The following EIPR1 variants were observed in gnomAD, a reference collection of about 807,000 sequenced individuals.
EIPR1 encodes the protein EARP complex and GARP complex interacting protein 1.
In EIPR1, 25 loss-of-function variants were observed where a neutral mutation model predicts 48.1. The observed-to-expected ratio is 0.52, with a 90% CI of 0.38 to 0.73. The LOEUF (loss-of-function observed/expected upper bound fraction) is 0.73, where lower values mean the gene tolerates loss of function less well. EIPR1 is among the 30% of genes least tolerant of loss of function. EIPR1 has a pLI of 0.00. For synonymous variants in EIPR1, 204 were observed against 201.9 expected (o/e 1.01, Z -0.09); for missense variants, 415 against 506.2 (o/e 0.82, Z 1.73).
intron 1 of EIPR1, among the ~76,000 whole-genome samples, chr2:3,372,209 A>C (rs1558325551): frequency 6.6e-6 from 1 of 150,848 alleles, no homozygotes; most frequent in East Asian, 1.9e-4. Flanking sequence ...AACATACCAG[A>C]ATCTCTGGGA....
chr2:3,194,179 G>A lies in EIPR1; in HGVS notation c.654-13C>T, dbSNP rs962583798. The A allele has an allele frequency of 6.2e-7, 1 of 1,612,566 alleles. No homozygotes were observed. The highest frequency in any genetic ancestry group is 8.5e-7 in the Non-Finnish European group (1 of 1,179,136). ...GCAGTAGATCTGGCTGAGGGAGAAG[G>A]AAGAACAGCAAAGGAAAATAGTAAA... is the stretch of plus-strand genomic sequence containing the variant. On this transcript the variant is annotated splice_polypyrimidine_tract_variant and intron_variant, in intron 6 of 8. Transcript: ENST00000382125.
At chr2:3,190,249 G>A (rs948631312) in intron 8 of EIPR1, among the ~76,000 whole-genome samples, 5 of 152,202 alleles carry the variant, frequency 3.3e-5, no homozygotes, top group Non-Finnish European at 5.9e-5. Flanking sequence ...GCCACTTTCC[G>A]GTGGACACAG....
chr2:3,202,012 C>T (rs1448084481), intron 5 of EIPR1, among the ~76,000 whole-genome samples: 3 of 152,194 alleles, frequency 2.0e-5, no homozygotes, highest in Non-Finnish European at 4.4e-5. Flanking sequence ...TCTCGGCTCA[C>T]TGCAAGCTCC....
intron 2 of EIPR1, among the ~76,000 whole-genome samples, chr2:3,352,812 C>A (rs1287238885): frequency 6.6e-6 from 1 of 152,198 alleles, no homozygotes; most frequent in Admixed American, 6.5e-5. Flanking sequence ...GCCTGGCCAA[C>A]GTGGTGAAAC....
At chr2:3,249,309 A>G (rs951390071) in intron 4 of EIPR1, among the ~76,000 whole-genome samples, 1 of 152,260 alleles carries the variant, frequency 6.6e-6, no homozygotes, top group Non-Finnish European at 1.5e-5. Flanking sequence ...ATGCCTTAGC[A>G]AAGAGCTTGG....
intron 2 of EIPR1, among the ~76,000 whole-genome samples, chr2:3,346,340 C>T (rs545467532): frequency 2.8e-4 from 43 of 152,320 alleles, no homozygotes; most frequent in African/African-American, 9.6e-4. Flanking sequence ...TTCTGGATAG[C>T]GTGACTTCTC....
At chr2:3,304,025 A>C (rs1169587983) in intron 3 of EIPR1, among the ~76,000 whole-genome samples, 1 of 152,222 alleles carries the variant, frequency 6.6e-6, no homozygotes, top group Non-Finnish European at 1.5e-5. Flanking sequence ...TCCTGTTACA[A>C]AATCCCCACT....
rs1165418091 is a variant in EIPR1, at chr2:3,189,965, G to A, written c.990-457C>T. Among the ~76,000 whole-genome samples, 1 of 152,130 alleles carries A rather than the reference G, an allele frequency of 6.6e-6. No homozygotes were observed. Among genetic ancestry groups the A allele is most frequent in the Non-Finnish European group, 1.5e-5 (1 of 68,012 alleles). On this transcript the variant is annotated intron_variant, in intron 8 of 8. Coordinates refer to ENST00000382125, the MANE Select transcript of EIPR1 (RefSeq NM_003310.5). This position sits in a 1 kb window ranked among gnomAD's most constrained non-coding sequence, Gnocchi z 4.6. Reference sequence around the variant, plus strand: ...GAAGCAGCGGGTCCAGCTCCTGGCTGTGTAGGAGTCAGAGGCTGGGGCACA... The same window carrying A: ...GAAGCAGCGGGTCCAGCTCCTGGCTATGTAGGAGTCAGAGGCTGGGGCACA...
chr2:3,226,342 G>A (rs187364964), intron 4 of EIPR1, among the ~76,000 whole-genome samples: 51 of 152,196 alleles, frequency 3.4e-4, no homozygotes, highest in African/African-American at 6.0e-4. Context: ...GTCTCATTGC[G>A]GTTTTGATTT....
At chr2:3,362,789 G>A (rs1670881598) in intron 1 of EIPR1, among the ~76,000 whole-genome samples, 1 of 152,130 alleles carries the variant, frequency 6.6e-6, no homozygotes, top group Non-Finnish European at 1.5e-5. Flanking sequence ...GCAGGTGCTG[G>A]AGGCAGGCTG....
At chr2:3,324,259 G>A (rs1041747900) in intron 3 of EIPR1, among the ~76,000 whole-genome samples, 4 of 152,130 alleles carry the variant, frequency 2.6e-5, no homozygotes, top group East Asian at 1.9e-4. Context: ...GGACCCACCC[G>A]AGACAGCTCA....
At chr2:3,229,236 A>T (rs1666162996) in intron 4 of EIPR1, among the ~76,000 whole-genome samples, 3 of 152,246 alleles carry the variant, frequency 2.0e-5, no homozygotes, top group Admixed American at 2.0e-4. Flanking sequence ...GAATGGTAAG[A>T]AAGTCACTCC....
At chr2:3,201,035 G>C (rs1305861906) in intron 5 of EIPR1, among the ~76,000 whole-genome samples, 2 of 152,200 alleles carry the variant, frequency 1.3e-5, no homozygotes, top group African/African-American at 4.8e-5. Flanking sequence ...AGGAGCCTGG[G>C]GTGTCTCGGG....
At chr2:3,314,811 C>A (rs1196491874) in intron 3 of EIPR1, among the ~76,000 whole-genome samples, 1 of 151,950 alleles carries the variant, frequency 6.6e-6, no homozygotes, top group Non-Finnish European at 1.5e-5. Context: ...ACTGGACCAA[C>A]AAGCTGCATG....
intron 1 of EIPR1, among the ~76,000 whole-genome samples, chr2:3,364,513 T>C (rs911733494): frequency 6.6e-6 from 1 of 151,892 alleles, no homozygotes; most frequent in Non-Finnish European, 1.5e-5. Context: ...TGCACACCTG[T>C]AGTCCCAGCC....
Position 3,257,314 on chromosome 2 carries a change from T to C in EIPR1, c.401A>G (p.His134Arg), listed in dbSNP as rs758556165. Residue 134 changes from histidine to arginine, a missense_variant, in exon 4 of 9, where the codon CAT becomes CGT. His to Arg is a conservative substitution (Grantham distance 29). Transcript: ENST00000382125. ...ELLCHLDNTA[H>R]GNMACVVWEP... ...AAAATCCTACCAGGCCATGTTGCCATGGGCTGTGTTGTCAAGGTGACAGAG... is the reference window on the plus strand; with the variant it reads ...AAAATCCTACCAGGCCATGTTGCCACGGGCTGTGTTGTCAAGGTGACAGAG... The C allele has an allele frequency of 1.2e-5, 19 of 1,613,920 alleles. No individual in the cohort carries two copies. The highest frequency in any genetic ancestry group is 1.6e-5 in the Non-Finnish European group (19 of 1,179,830).
At chr2:3,231,898 GA>G (rs1666254901) in intron 4 of EIPR1, among the ~76,000 whole-genome samples, 1 of 152,188 alleles carries the variant, frequency 6.6e-6, no homozygotes, top group Non-Finnish European at 1.5e-5. Flanking sequence ...GAAAGAATTT[GA>G]AAAGAACAAA....
chr2:3,305,507 C>A (rs563977035), intron 3 of EIPR1, among the ~76,000 whole-genome samples: 82 of 151,986 alleles, frequency 5.4e-4, no homozygotes, highest in Non-Finnish European at 8.4e-4. Context: ...CCACTCCTGT[C>A]CAGTTCAACC....
chr2:3,230,756 T>C (rs1666218724), intron 4 of EIPR1, among the ~76,000 whole-genome samples: 1 of 152,208 alleles, frequency 6.6e-6, no homozygotes, highest in African/African-American at 2.4e-5. Flanking sequence ...ATTACAGTAG[T>C]CTTATGATAT....
Sources: allele counts gnomAD v4.1 joint callset (sites outside exome capture counted in the v4.1 genomes callset), GRCh38; gene constraint gnomAD v4.1.1; non-coding constraint Gnocchi (gnomAD v3.1); transcripts MANE v1.5; gene names NCBI Gene and HGNC (gene_info 2026-07-23, HGNC 2026-07-21).